Variants in ROBO2 observed in about 807,000 individuals in gnomAD.
ROBO2 encodes roundabout homolog 2.
ROBO2 carries 53 observed loss-of-function variants against 160.8 expected under a neutral mutation model. The observed-to-expected ratio is 0.33, with a 90% CI of 0.26 to 0.41. The LOEUF is 0.41. Among genes scored for constraint, ROBO2 ranks in the 10% least tolerant of loss-of-function variants. The pLI is 1.00. For missense variants in ROBO2, 1,577 were observed against 1,722.4 expected (o/e 0.92, Z 1.49); for synonymous variants, 664 against 611.7 (o/e 1.09, Z -1.26).
At chr3:77,214,470 T>A (rs2084647388) in intron 2 of ROBO2, among the ~76,000 whole-genome samples, 1 of 152,208 alleles carries the variant, frequency 6.6e-6, no homozygotes. Flanking sequence ...AGCCTATTTG[T>A]GTCGCTGCAC....
chr3:76,717,784 A>G (rs990919626), intron 2 of ROBO2, among the ~76,000 whole-genome samples: 4 of 152,222 alleles, frequency 2.6e-5, no homozygotes, highest in African/African-American at 9.6e-5. Flanking sequence ...TGATGTAAAG[A>G]GTTTTACTGG....
chr3:76,194,348 GTGTAAATATATATATATATATATATA>G (rs1559629016), intron 2 of ROBO2, among the ~76,000 whole-genome samples: 2 of 45,708 alleles, frequency 4.4e-5, no homozygotes, highest in Admixed American at 2.9e-4. Flanking sequence ...TATGTATGGT[GTGTAAATATATATATATATATATATA>G]TATATATATA....
chr3:76,448,512 T>G (rs532080761), intron 2 of ROBO2, among the ~76,000 whole-genome samples: 32 of 152,306 alleles, frequency 2.1e-4, no homozygotes, highest in Non-Finnish European at 3.8e-4. Context: ...GAGGAGAGAC[T>G]GCTGATCAAC....
chr3:77,236,443 G>C (rs1341442393), intron 2 of ROBO2, among the ~76,000 whole-genome samples: 1 of 152,156 alleles, frequency 6.6e-6, no homozygotes, highest in East Asian at 1.9e-4. Flanking sequence ...GAATGATGAC[G>C]CATGTCCAAC....
At chr3:77,176,608 ATTC>A (rs1346433064) in intron 2 of ROBO2, among the ~76,000 whole-genome samples, 1 of 151,996 alleles carries the variant, frequency 6.6e-6, no homozygotes, top group African/African-American at 2.4e-5. Flanking sequence ...TTATGAATTG[ATTC>A]TTATTTATCT....
chr3:76,006,241 A>G (rs1413567789), intron 2 of ROBO2, among the ~76,000 whole-genome samples: 1 of 152,052 alleles, frequency 6.6e-6, no homozygotes, highest in Non-Finnish European at 1.5e-5. Context: ...TTATATTTGA[A>G]TTTGTTACTT....
chr3:77,602,591 T>C (rs2094450422), intron 20 of ROBO2, 100 bp downstream of exon 21: 1 of 1,393,614 alleles, frequency 7.2e-7, no homozygotes, highest in African/African-American at 1.4e-5. Context: ...CATTACCAGG[T>C]TTACTACCTA....
At chr3:76,103,028 T>G (rs1404467886) in intron 2 of ROBO2, among the ~76,000 whole-genome samples, 1 of 151,988 alleles carries the variant, frequency 6.6e-6, no homozygotes, top group Admixed American at 6.6e-5. Context: ...TTTCACCATG[T>G]TAGCCAGGAT....
intron 2 of ROBO2, among the ~76,000 whole-genome samples, chr3:76,528,709 A>C (rs967335293): frequency 6.6e-6 from 1 of 152,040 alleles, no homozygotes; most frequent in African/African-American, 2.4e-5. Context: ...TAGCATATAG[A>C]TGGTATTTAA....
At chr3:77,247,541 A>G (rs1560335394) in intron 2 of ROBO2, among the ~76,000 whole-genome samples, 1 of 152,194 alleles carries the variant, frequency 6.6e-6, no homozygotes, top group East Asian at 1.9e-4. Flanking sequence ...CCATCCTTCA[A>G]TTATTCTCTC....
intron 2 of ROBO2, among the ~76,000 whole-genome samples, chr3:76,882,426 T>C (rs1036035371): frequency 2.0e-5 from 3 of 152,102 alleles, no homozygotes; most frequent in Non-Finnish European, 2.9e-5. Context: ...GAAGGTGTAA[T>C]GTCATCACTC....
chr3:77,402,769 G>C (rs1303856497), intron 2 of ROBO2, among the ~76,000 whole-genome samples: 1 of 152,004 alleles, frequency 6.6e-6, no homozygotes, highest in Non-Finnish European at 1.5e-5. Context: ...CAGGAGAGAA[G>C]GGATGCAAGG....
At chr3:77,282,429 A>G (rs900411043) in intron 2 of ROBO2, among the ~76,000 whole-genome samples, 1 of 152,084 alleles carries the variant, frequency 6.6e-6, no homozygotes, top group Non-Finnish European at 1.5e-5. Flanking sequence ...AATTTATTAC[A>G]CAGGTTACTT....
At chr3:77,478,224 A>G (rs1273094219) in intron 3 of ROBO2, among the ~76,000 whole-genome samples, 1 of 152,218 alleles carries the variant, frequency 6.6e-6, no homozygotes, top group African/African-American at 2.4e-5. Context: ...CATTAACTAC[A>G]TCTAATTTTG....
At chr3:77,498,742 C>G (rs1388826054) in intron 5 of ROBO2, among the ~76,000 whole-genome samples, 2 of 151,950 alleles carry the variant, frequency 1.3e-5, no homozygotes, top group African/African-American at 4.8e-5. Context: ...AGATGCTGAA[C>G]AGGTGCTCAG....
At chr3:77,410,059 C>A (rs529590755) in intron 2 of ROBO2, among the ~76,000 whole-genome samples, 48 of 152,276 alleles carry the variant, frequency 3.2e-4, no homozygotes, top group African/African-American at 1.0e-3. Context: ...AAATTGCATG[C>A]AATAACTAAT....
At chr3:76,111,274 C>T (rs767972959) in intron 2 of ROBO2, among the ~76,000 whole-genome samples, 3 of 151,922 alleles carry the variant, frequency 2.0e-5, no homozygotes, top group Non-Finnish European at 4.4e-5. Context: ...GGTGCAGCTG[C>T]CAGCCAAGAA....
chr3:76,898,578 T>C lies in ROBO2; in HGVS notation c.110-199436T>C, dbSNP rs139709850. Among the ~76,000 whole-genome samples the C allele has an allele frequency of 2.1e-3, 318 of 152,268 alleles. 1 individual carries two copies. Among genetic ancestry groups the C allele is most frequent in the Middle Eastern group, 0.014 (4 of 294 alleles). On this transcript the variant is annotated intron_variant, in intron 2 of 26. Transcript: ENST00000487694. ...TATATTTGGTATTCATCATCTCACA[T>C]TGTAATTTTACAAATGAACATTAAC... is the stretch of plus-strand genomic sequence containing the variant.
intron 2 of ROBO2, among the ~76,000 whole-genome samples, chr3:76,346,245 G>T (rs2074520814): frequency 6.6e-6 from 1 of 151,748 alleles, no homozygotes; most frequent in Non-Finnish European, 1.5e-5. Flanking sequence ...AGTCCATTAA[G>T]AGAATTTTTT....
Sources: allele counts gnomAD v4.1 joint callset (sites outside exome capture counted in the v4.1 genomes callset), GRCh38; gene constraint gnomAD v4.1.1; transcripts MANE v1.5; gene names NCBI Gene and HGNC (gene_info 2026-07-23, HGNC 2026-07-21).